The following CNIH3 variants were observed in gnomAD, a reference collection of about 807,000 sequenced individuals.
The protein encoded by CNIH3 is protein cornichon homolog 3.
CNIH3 carries 14 observed loss-of-function variants against 24.1 expected under a neutral mutation model. The observed-to-expected ratio is 0.58, with a 90% CI of 0.38 to 0.91. CNIH3 has a LOEUF of 0.91. CNIH3 is among the 40% of genes least tolerant of loss of function. The probability of loss-of-function intolerance (pLI) is 0.00; values close to 1 mark genes in which losing one functional copy is unlikely to be tolerated. For synonymous variants in CNIH3, 68 were observed against 73.8 expected, an observed-to-expected ratio of 0.92 and a Z score of 0.40; for missense variants, 178 against 196.8, an observed-to-expected ratio of 0.90 and a Z score of 0.57.
chr1:224,507,192 T>C (rs1677955971), intron 1 of CNIH3, among the ~76,000 whole-genome samples: 1 of 152,146 alleles, frequency 6.6e-6, no homozygotes, highest in South Asian at 2.1e-4. Context: ...TATCAACATG[T>C]ATGTATCCCT....
intron 1 of CNIH3, among the ~76,000 whole-genome samples, chr1:224,649,502 A>C (rs968200360): frequency 1.3e-5 from 2 of 152,224 alleles, no homozygotes; most frequent in African/African-American, 4.8e-5. Context: ...AGGAACTAAT[A>C]CTATAATGTA....
intron 1 of CNIH3, among the ~76,000 whole-genome samples, chr1:224,495,480 G>C (rs956109847): frequency 6.6e-5 from 10 of 152,214 alleles, no homozygotes; most frequent in African/African-American, 1.2e-4. Flanking sequence ...GTCAGGCTAG[G>C]TGCTGGGGAT....
chr1:224,571,239 C>T (rs1680804249), intron 4 of CNIH3, among the ~76,000 whole-genome samples: 1 of 152,152 alleles, frequency 6.6e-6, no homozygotes, highest in African/African-American at 2.4e-5. Flanking sequence ...CTTCTCATTG[C>T]GTTTTGAGGT....
chr1:224,709,098 C>T (rs11805320), intron 3 of CNIH3, among the ~76,000 whole-genome samples: 36,232 of 152,098 alleles, frequency 0.24, 4,682 homozygotes, highest in East Asian at 0.37. Flanking sequence ...CCACCACGCG[C>T]GTCTGTCTAG....
intron 5 of CNIH3, among the ~76,000 whole-genome samples, chr1:224,736,186 C>T (rs528643855): frequency 1.3e-5 from 2 of 152,224 alleles, no homozygotes; most frequent in East Asian, 1.9e-4. Context: ...ACTACAATGG[C>T]AGGATCATAG....
At chr1:224,708,368 C>T (rs1687937196) in intron 3 of CNIH3, among the ~76,000 whole-genome samples, 1 of 152,104 alleles carries the variant, frequency 6.6e-6, no homozygotes, top group African/African-American at 2.4e-5. Context: ...CTCCTTTTTT[C>T]CCCTGTCTTA....
intron 3 of CNIH3, among the ~76,000 whole-genome samples, chr1:224,689,587 G>A (rs1159220553): frequency 1.3e-5 from 2 of 152,142 alleles, no homozygotes; most frequent in Non-Finnish European, 2.9e-5. Context: ...TGGGGATGGC[G>A]GGGAGGGTTA....
intron 1 of CNIH3, among the ~76,000 whole-genome samples, chr1:224,466,606 G>A (rs1384430308): frequency 6.6e-6 from 1 of 152,138 alleles, no homozygotes; most frequent in African/African-American, 2.4e-5. Flanking sequence ...TCATTTGCCT[G>A]GGATAAATGC....
intron 3 of CNIH3, among the ~76,000 whole-genome samples, chr1:224,729,866 C>T (rs1558344271): frequency 6.6e-6 from 1 of 152,194 alleles, no homozygotes. Flanking sequence ...CCCCCAGAGG[C>T]TACACTGTCC....
At chr1:224,482,891 A>T (rs1676870238) in intron 1 of CNIH3, among the ~76,000 whole-genome samples, 1 of 152,124 alleles carries the variant, frequency 6.6e-6, no homozygotes, top group African/African-American at 2.4e-5. Context: ...GCCTGCGGTG[A>T]CAAGGCTTGC....
chr1:224,645,031 G>C (rs1015867653), intron 1 of CNIH3, among the ~76,000 whole-genome samples: 1 of 152,246 alleles, frequency 6.6e-6, no homozygotes, highest in Non-Finnish European at 1.5e-5. Flanking sequence ...AATAGAGGCT[G>C]CCTCACCACT....
chr1:224,672,763 C>T (rs12144488), intron 1 of CNIH3, among the ~76,000 whole-genome samples: 2 of 152,028 alleles, frequency 1.3e-5, no homozygotes, highest in African/African-American at 4.8e-5. Flanking sequence ...GGTCACTATT[C>T]AACACACAAC....
At chr1:224,632,594 C>G (rs1019936725) in intron 1 of CNIH3, among the ~76,000 whole-genome samples, 1 of 151,850 alleles carries the variant, frequency 6.6e-6, no homozygotes, top group Non-Finnish European at 1.5e-5. Flanking sequence ...GCCACTGGGA[C>G]GCAATATGTG....
intron 3 of CNIH3, among the ~76,000 whole-genome samples, chr1:224,714,157 T>G (rs900613314): frequency 7.2e-5 from 11 of 152,348 alleles, no homozygotes; most frequent in Non-Finnish European, 1.5e-4. Flanking sequence ...AGCATTAATA[T>G]TGGCTATCTT....
intron 1 of CNIH3, among the ~76,000 whole-genome samples, chr1:224,622,843 G>A (rs1165485277): frequency 6.6e-6 from 1 of 152,168 alleles, no homozygotes; most frequent in Non-Finnish European, 1.5e-5. Flanking sequence ...TATCCACATG[G>A]CTCTGCGCTT....
intron 1 of CNIH3, among the ~76,000 whole-genome samples, chr1:224,464,026 T>G (rs1181432947): frequency 6.6e-6 from 1 of 151,498 alleles, no homozygotes; most frequent in African/African-American, 2.4e-5. Flanking sequence ...CCCGATCTTG[T>G]GATCCGCCCA....
intron 3 of CNIH3, among the ~76,000 whole-genome samples, chr1:224,561,566 T>C (rs1343631471): frequency 6.6e-6 from 1 of 152,212 alleles, no homozygotes; most frequent in Non-Finnish European, 1.5e-5. Flanking sequence ...TTCTGCTCGA[T>C]GTGGCCTCTT....
intron 3 of CNIH3, among the ~76,000 whole-genome samples, chr1:224,726,012 T>A (rs1264709326): frequency 1.2e-4 from 19 of 152,170 alleles, no homozygotes; most frequent in Non-Finnish European, 1.5e-5. Flanking sequence ...GATACATGAA[T>A]GAATGAGAGG....
chr1:224,493,130 A>G (rs1677298092), intron 1 of CNIH3, among the ~76,000 whole-genome samples: 1 of 152,234 alleles, frequency 6.6e-6, no homozygotes, highest in South Asian at 2.1e-4. Flanking sequence ...CTTTAAGCCT[A>G]GAAACAAAAT....
Sources: allele counts gnomAD v4.1 joint callset (sites outside exome capture counted in the v4.1 genomes callset), GRCh38; gene constraint gnomAD v4.1.1; transcripts MANE v1.5; gene names NCBI Gene and HGNC (gene_info 2026-07-23, HGNC 2026-07-21).